The following RAP1GAP2 variants were observed in gnomAD, a reference collection of about 807,000 sequenced individuals.
RAP1GAP2 encodes RAP1 GTPase activating protein 2.
A neutral mutation model predicts 95.0 loss-of-function variants in RAP1GAP2; 27 were observed. That is an observed-to-expected ratio of 0.28 (90% CI 0.21 to 0.39). The LOEUF (loss-of-function observed/expected upper bound fraction) is 0.39. Among genes scored for constraint, RAP1GAP2 ranks in the 10% least tolerant of loss-of-function variants. The probability of loss-of-function intolerance (pLI) is 1.00; values close to 1 mark genes in which losing one functional copy is unlikely to be tolerated. For synonymous variants in RAP1GAP2, 373 were observed against 380.9 expected, an observed-to-expected ratio of 0.98 and a Z score of 0.24; for missense variants, 771 against 970.0, an observed-to-expected ratio of 0.79 and a Z score of 2.72.
intron 19 of RAP1GAP2, among the ~76,000 whole-genome samples, chr17:3,022,564 T>G (rs1309305224): frequency 2.0e-5 from 3 of 152,242 alleles, no homozygotes; most frequent in Non-Finnish European, 4.4e-5. Context: ...TTTCTTGCCC[T>G]TAAAAAAATC....
intron 2 of RAP1GAP2, among the ~76,000 whole-genome samples, chr17:2,831,741 T>TA (rs1190992702): frequency 1.3e-5 from 2 of 151,240 alleles, no homozygotes; most frequent in African/African-American, 2.4e-5. Context: ...CTACTAAAAA[T>TA]AAAAAAAATT....
chr17:2,836,915 G>C (rs773511897), intron 2 of RAP1GAP2, among the ~76,000 whole-genome samples: 3 of 152,100 alleles, frequency 2.0e-5, no homozygotes, highest in Non-Finnish European at 4.4e-5. Flanking sequence ...GACGAGGTGT[G>C]TGCCCATTCC....
intron 2 of RAP1GAP2, among the ~76,000 whole-genome samples, chr17:2,891,846 A>C: frequency 1.4e-5 from 1 of 72,344 alleles, no homozygotes. Context: ...TTTTTGAGAC[A>C]GAGTTTCACT....
At chr17:2,924,561 A>G (rs1198536153) in intron 3 of RAP1GAP2, among the ~76,000 whole-genome samples, 1 of 150,966 alleles carries the variant, frequency 6.6e-6, no homozygotes, top group Non-Finnish European at 1.5e-5. Flanking sequence ...AAAAGAGGGA[A>G]GGAGGGAAGG....
rs1184261494 is a variant in RAP1GAP2, at chr17:3,004,094, T to G, written c.1201-1275T>G. Among the ~76,000 whole-genome samples, 1 of 152,112 alleles carries G rather than the reference T, an allele frequency of 6.6e-6. No homozygotes were observed. On this transcript the variant is annotated intron_variant, in intron 14 of 24. Coordinates refer to ENST00000254695, the MANE Select transcript of RAP1GAP2 (RefSeq NM_015085.5). This position sits in a 1 kb window ranked among gnomAD's most constrained non-coding sequence, Gnocchi z 4.1. ...CACGGTCTGCAGTCTCCCCATAGCC[T>G]TCCCACACCCCCACCCCTGATTCTG...
At chr17:2,791,299 T>G (rs1597314231) in intron 1 of RAP1GAP2, among the ~76,000 whole-genome samples, 1 of 152,162 alleles carries the variant, frequency 6.6e-6, no homozygotes, top group South Asian at 2.1e-4. Context: ...CCCAGGCTGG[T>G]CCCCGAGAAA....
chr17:2,861,770 C>T (rs913535493), intron 2 of RAP1GAP2, among the ~76,000 whole-genome samples: 2 of 152,096 alleles, frequency 1.3e-5, no homozygotes, highest in Admixed American at 6.5e-5. Flanking sequence ...CTGGGCCCTC[C>T]TCCCGTGCTG....
chr17:2,853,852 C>A (rs995332205), intron 2 of RAP1GAP2: 1 of 913,828 alleles, frequency 1.1e-6, no homozygotes, highest in African/African-American at 1.8e-5. Context: ...ACCTGACCCC[C>A]GGGGCGCACC....
At chr17:2,945,342 TTTTGC>T (rs2043663287) in intron 3 of RAP1GAP2, among the ~76,000 whole-genome samples, 2 of 152,224 alleles carry the variant, frequency 1.3e-5, no homozygotes, top group African/African-American at 4.8e-5. Flanking sequence ...TACTCTGCAA[TTTTGC>T]AGACTTCCTT....
intron 4 of RAP1GAP2, among the ~76,000 whole-genome samples, chr17:2,959,610 C>T (rs933401717): frequency 2.6e-5 from 4 of 152,178 alleles, no homozygotes; most frequent in African/African-American, 9.7e-5. Flanking sequence ...CAGTGAAGCG[C>T]CCGGGTCACT....
intron 1 of RAP1GAP2, among the ~76,000 whole-genome samples, chr17:2,767,238 T>G (rs1278060072): frequency 6.6e-6 from 1 of 151,370 alleles, no homozygotes; most frequent in African/African-American, 2.4e-5. Context: ...GACAGATGCC[T>G]GTAATCCCAG....
chr17:2,759,159 C>G (rs906851263), intron 1 of RAP1GAP2, among the ~76,000 whole-genome samples: 2 of 152,106 alleles, frequency 1.3e-5, no homozygotes, highest in Non-Finnish European at 2.9e-5. Flanking sequence ...CATTCCTTTA[C>G]CTAACCTCTA....
chr17:3,031,017 C>T lies in RAP1GAP2; in HGVS notation c.2184+19C>T, dbSNP rs2047273256. 2 of 1,578,644 alleles carry T rather than the reference C, an allele frequency of 1.3e-6. No homozygotes were observed. The highest frequency in any genetic ancestry group is 2.3e-5 in the South Asian group (2 of 87,456). On this transcript the variant is annotated intron_variant, in intron 23 of 24. Coordinates refer to ENST00000254695, the MANE Select transcript of RAP1GAP2 (RefSeq NM_015085.5). ...TGGTGCGGTAAGGATGCGCCTCCCA[C>T]ACCCCACACTCCACTTTCTGCAGAG...
intron 17 of RAP1GAP2, among the ~76,000 whole-genome samples, chr17:3,011,609 G>GTTTT (rs555219792): frequency 1.6e-4 from 17 of 109,658 alleles, no homozygotes; most frequent in South Asian, 3.3e-4. Context: ...TCCTGTCAAA[G>GTTTT]TTTTTTTTTT....
At chr17:2,793,276 C>T (rs575513849), upstream of RAP1GAP2, among the ~76,000 whole-genome samples, 24 of 152,114 alleles carry the variant, frequency 1.6e-4, no homozygotes, top group East Asian at 2.5e-3. Flanking sequence ...GTCTCAGCCT[C>T]CTGAGTAGCT....
In RAP1GAP2 at chr17:2,988,990, CAG is replaced by C. The variant is rs568962593; in HGVS notation, c.814-2304_814-2303del. ...AGGAGAATCGCTTGAACCTGGGAGG[CAG>C]AGGTTGCCGTGAGCCGAGATTGCAC... On this transcript the variant is annotated intron_variant, in intron 11 of 24. Coordinates refer to ENST00000254695, the MANE Select transcript of RAP1GAP2 (RefSeq NM_015085.5). Among the ~76,000 whole-genome samples, 1,322 of 152,078 alleles carry C rather than the reference CAG, an allele frequency of 8.7e-3. 18 individuals are homozygous for C. The highest frequency in any genetic ancestry group is 0.029 in the African/African-American group (1,184 of 41,478).
chr17:2,917,801 C>T (rs1057314662), intron 3 of RAP1GAP2, among the ~76,000 whole-genome samples: 14 of 152,014 alleles, frequency 9.2e-5, no homozygotes, highest in Non-Finnish European at 1.8e-4. Context: ...CCGCAACCTC[C>T]GCTTCCTGGG....
At chr17:2,780,057 T>A (rs1168016772) in intron 1 of RAP1GAP2, among the ~76,000 whole-genome samples, 1 of 152,062 alleles carries the variant, frequency 6.6e-6, no homozygotes, top group Admixed American at 6.6e-5. Context: ...GCCTCCTCGT[T>A]CCTTTTTTTT....
chr17:2,771,486 GT>G (rs566884358), intron 2 of RAP1GAP2, among the ~76,000 whole-genome samples: 27 of 123,444 alleles, frequency 2.2e-4, no homozygotes, highest in South Asian at 5.2e-4. Flanking sequence ...CCACTTTTTT[GT>G]TTTTTTTTTT....
Sources: gnomAD v4.1 joint callset for allele counts (sites outside exome capture counted in the v4.1 genomes callset) on GRCh38, gnomAD v4.1.1 for gene constraint, Gnocchi (gnomAD v3.1) non-coding constraint, MANE v1.5 for transcripts, NCBI Gene and HGNC (gene_info 2026-07-23, HGNC 2026-07-21) for gene names.